The following GLI2 variants were observed in gnomAD, a reference collection of about 807,000 sequenced individuals.
The protein encoded by GLI2 is GLI family zinc finger 2, also known as transcription activator GLI2.
Under a neutral mutation model 78.9 loss-of-function variants are expected in GLI2, and 22 were observed. That is an observed-to-expected ratio of 0.28 (90% CI 0.20 to 0.40). The LOEUF (loss-of-function observed/expected upper bound fraction) is 0.40. Among genes scored for constraint, GLI2 ranks in the 10% least tolerant of loss-of-function variants. GLI2 has a pLI of 1.00. For missense variants in GLI2, 2,097 were observed against 2,213.2 expected, an observed-to-expected ratio of 0.95 and a Z score of 1.05; for synonymous variants, 974 against 963.7, an observed-to-expected ratio of 1.01 and a Z score of -0.20.
chr2:120,862,048 G>A (rs962691338), intron 2 of GLI2, among the ~76,000 whole-genome samples: 7 of 152,332 alleles, frequency 4.6e-5, no homozygotes, highest in African/African-American at 1.7e-4. Flanking sequence ...GACGTGGCCC[G>A]TGTGTGAGTC....
At chr2:120,758,512 A>G (rs1449343784) in intron 1 of GLI2, among the ~76,000 whole-genome samples, 2 of 152,212 alleles carry the variant, frequency 1.3e-5, no homozygotes, top group African/African-American at 4.8e-5. Flanking sequence ...GCTGGGGCCT[A>G]GGCACAGATG....
At chr2:120,976,674 G>A (rs1044434758) in intron 9 of GLI2, among the ~76,000 whole-genome samples, 6 of 152,210 alleles carry the variant, frequency 3.9e-5, no homozygotes, top group South Asian at 2.1e-4. Context: ...GAGCAGGCAC[G>A]GAATTCCTCA....
chr2:120,877,404 G>T (rs950769548), intron 2 of GLI2, among the ~76,000 whole-genome samples: 4 of 152,206 alleles, frequency 2.6e-5, no homozygotes, highest in Admixed American at 2.6e-4. Context: ...TAAAGTGCAT[G>T]CATCTTAAGT....
rs184966725 is a variant in GLI2 at position 120,833,658 on chromosome 2, A to G, written c.148+36190A>G. ...TGGACTTTGGTGTTCAGACATCACA[A>G]CAGCCACCTCCCACCACCGAGGTCA... On this transcript the variant is annotated intron_variant, in intron 2 of 13. Transcript: ENST00000361492. 2.6e-5 allele frequency among the ~76,000 whole-genome samples: 4 copies of G among 152,056 alleles called. No homozygotes were observed. In the East Asian group the frequency reaches 7.8e-4, roughly 30 times the overall value.
intron 2 of GLI2, among the ~76,000 whole-genome samples, chr2:120,809,989 A>G (rs548236867): frequency 9.9e-5 from 15 of 152,244 alleles, no homozygotes; most frequent in African/African-American, 3.4e-4. Flanking sequence ...GCTGAGAGAG[A>G]TGCCCTGTGA....
At chr2:120,897,053 G>A (rs917033827) in intron 2 of GLI2, among the ~76,000 whole-genome samples, 1 of 152,212 alleles carries the variant, frequency 6.6e-6, no homozygotes, top group African/African-American at 2.4e-5. Flanking sequence ...GAGGGGCTGG[G>A]GGAAGAGATT....
intron 2 of GLI2, among the ~76,000 whole-genome samples, chr2:120,905,947 G>T (rs1213218970): frequency 1.3e-5 from 2 of 150,032 alleles, no homozygotes; most frequent in Non-Finnish European, 2.9e-5. Context: ...CCTGCCCGTC[G>T]TTGGGCTCCG....
At chr2:120,959,554 G>A (rs908758983) in intron 5 of GLI2, among the ~76,000 whole-genome samples, 4 of 152,184 alleles carry the variant, frequency 2.6e-5, no homozygotes, top group East Asian at 1.9e-4. Context: ...AATGCTTTCC[G>A]CACTTCCACT....
chr2:120,831,190 C>T (rs1261222976), intron 2 of GLI2, among the ~76,000 whole-genome samples: 2 of 152,086 alleles, frequency 1.3e-5, no homozygotes, highest in Admixed American at 1.3e-4. Context: ...CAAGGTTGCT[C>T]CCAGCTGGGA....
chr2:120,819,803 C>A (rs893051928), intron 2 of GLI2, among the ~76,000 whole-genome samples: 3 of 152,192 alleles, frequency 2.0e-5, no homozygotes, highest in African/African-American at 7.2e-5. Flanking sequence ...AAGGACTGAT[C>A]AGTGCAAGGA....
At chr2:120,987,227 C>T (rs1181530472) in intron 13 of GLI2, among the ~76,000 whole-genome samples, 4 of 152,186 alleles carry the variant, frequency 2.6e-5, no homozygotes, top group Non-Finnish European at 5.9e-5. Flanking sequence ...GACTCTGTGC[C>T]TAGGATTGTG....
intron 2 of GLI2, among the ~76,000 whole-genome samples, chr2:120,908,155 G>A (rs1678637110): frequency 6.6e-6 from 1 of 152,192 alleles, no homozygotes; most frequent in Non-Finnish European, 1.5e-5. Context: ...TCTTATAGCA[G>A]AGGAGCCATG....
In GLI2 at chr2:120,881,122, A is replaced by G. The variant is rs1343977319; in HGVS notation, c.149-46239A>G. On this transcript the variant is annotated intron_variant, in intron 2 of 13. Coordinates refer to ENST00000361492, the MANE Select transcript of GLI2 (RefSeq NM_001374353.1). ...TATCTAAAGCACCTGACACCCTTTCAGGCACACAGAGGTTCCAAGATCTTC... is the reference window on the plus strand; with the variant it reads ...TATCTAAAGCACCTGACACCCTTTCGGGCACACAGAGGTTCCAAGATCTTC... 3.3e-5 allele frequency among the ~76,000 whole-genome samples: 5 copies of G among 152,240 alleles called. 1 individual carries two copies. The highest frequency in any genetic ancestry group is 1.3e-4 in the Admixed American group (2 of 15,290).
At chr2:120,751,519 A>G (rs1682873328) in intron 1 of GLI2, among the ~76,000 whole-genome samples, 1 of 152,238 alleles carries the variant, frequency 6.6e-6, no homozygotes, top group African/African-American at 2.4e-5. Context: ...AAACACGCTT[A>G]TATATAAATA....
intron 8 of GLI2, 191 bp from the exon 9 acceptor site, chr2:120,974,784 G>A: frequency 1.4e-6 from 1 of 705,672 alleles, no homozygotes; most frequent in Non-Finnish European, 2.5e-6. Context: ...TGATGAGTGT[G>A]TGTGTGTGTG....
intron 1 of GLI2, among the ~76,000 whole-genome samples, chr2:120,770,632 T>G (rs2104656711): frequency 6.6e-6 from 1 of 152,280 alleles, no homozygotes; most frequent in Non-Finnish European, 1.5e-5. Flanking sequence ...GTTTCTGGCT[T>G]GCCTCTCTCG....
intron 1 of GLI2, among the ~76,000 whole-genome samples, chr2:120,739,995 G>C (rs182919485): frequency 6.3e-4 from 96 of 152,278 alleles, no homozygotes; most frequent in Non-Finnish European, 1.2e-3. Flanking sequence ...CTTTGAAAAA[G>C]AGTGGCACCT....
chr2:120,818,568 G>A lies in GLI2; in HGVS notation c.148+21100G>A, dbSNP rs73949920. On this transcript the variant is annotated intron_variant, in intron 2 of 13. Transcript: ENST00000361492. ...CACTACTGGAAGGAAGCAAGAGTGC[G>A]TCTCTCCCTGCCCCTCCTCCCCAAA... 7.7e-3 allele frequency among the ~76,000 whole-genome samples: 1,170 copies of A among 152,242 alleles called. 16 individuals carry two copies. Among genetic ancestry groups the A allele is most frequent in the African/African-American group, 0.027 (1,120 of 41,542 alleles).
At chr2:120,822,626 A>T (rs1201708970) in intron 2 of GLI2, among the ~76,000 whole-genome samples, 1 of 152,206 alleles carries the variant, frequency 6.6e-6, no homozygotes, top group African/African-American at 2.4e-5. Context: ...CCCAATGAAC[A>T]TATCATTATG....
Sources: gnomAD v4.1 joint callset for allele counts (sites outside exome capture counted in the v4.1 genomes callset) on GRCh38, gnomAD v4.1.1 for gene constraint, MANE v1.5 for transcripts, NCBI Gene and HGNC (gene_info 2026-07-23, HGNC 2026-07-21) for gene names.